Variants in MORC2 observed in about 807,000 individuals in gnomAD.
MORC2 encodes MORC family CW-type zinc finger 2, also known as ATPase MORC2.
In MORC2, 30 loss-of-function variants were observed where a neutral mutation model predicts 136.0. That is an observed-to-expected ratio of 0.22 (90% CI 0.17 to 0.30). The LOEUF (loss-of-function observed/expected upper bound fraction) is 0.30, where lower values mean the gene tolerates loss of function less well. Ranked by LOEUF, MORC2 falls within the 10% of genes least tolerant of loss-of-function variation. The pLI is 1.00. For synonymous variants in MORC2, 439 were observed against 487.0 expected (o/e 0.90, Z 1.30); for missense variants, 922 against 1,333.1 (o/e 0.69, Z 4.80).
At chr22:30,966,233 T>C (rs1242837806) in intron 1 of MORC2, among the ~76,000 whole-genome samples, 1 of 152,180 alleles carries the variant, frequency 6.6e-6, no homozygotes. Context: ...TATCATAAAA[T>C]CTGTAATTCC....
chr22:30,940,681 C>G, intron 10 of MORC2, 77 bp downstream of exon 10: 1 of 1,339,526 alleles, frequency 7.5e-7, no homozygotes, highest in Non-Finnish European at 1.1e-6. Context: ...CAGCCTTTTC[C>G]TGGAACCCCA....
chr22:30,940,957 T>G (rs551499698), intron 9 of MORC2, 120 bp from the exon 10 acceptor site: 18 of 841,050 alleles, frequency 2.1e-5, no homozygotes, highest in Non-Finnish European at 3.0e-5. Context: ...TGGCCCCTCA[T>G]GATGAGACAA....
intron 3 of MORC2, among the ~76,000 whole-genome samples, chr22:30,954,443 C>T (rs2040936181): frequency 6.6e-6 from 1 of 152,166 alleles, no homozygotes; most frequent in African/African-American, 2.4e-5. Context: ...TTCTATCACA[C>T]CATTTAATCC....
chr22:30,939,415 C>G (rs2040707115), intron 12 of MORC2, among the ~76,000 whole-genome samples: 1 of 152,084 alleles, frequency 6.6e-6, no homozygotes, highest in South Asian at 2.1e-4. Flanking sequence ...GGTTTTGGTG[C>G]TCGAGCCGAG....
chr22:30,931,262 A>G (rs2040572294), intron 24 of MORC2, among the ~76,000 whole-genome samples: 1 of 152,258 alleles, frequency 6.6e-6, no homozygotes. Flanking sequence ...TGTTTTTGTA[A>G]ATAAAGCTTT....
In MORC2 at chr22:30,967,969, G is replaced by T; in HGVS notation, c.-80C>A. On this transcript the variant is annotated 5_prime_UTR_variant, in exon 1 of 26. Transcript: ENST00000397641. ...AATGATATCGATTTCCCAGGATTCT[G>T]TCCAGTAAAGCTTCAGTAAGTCTGT... 1 of 1,267,042 alleles carries T rather than the reference G, an allele frequency of 7.9e-7. No homozygotes were observed. The highest frequency in any genetic ancestry group is 1.8e-4 in the Middle Eastern group (1 of 5,454). The allele number at this position is 1,267,042 out of a possible 1,614,324, so 78.5% of individuals were successfully genotyped here. A position where few individuals can be genotyped will look rare whatever the true frequency, so the allele number is the denominator to read the frequency against.
At chr22:30,949,660 G>A (rs2040861801) in intron 5 of MORC2, 92 bp downstream of exon 5, 1 of 1,075,624 alleles carries the variant, frequency 9.3e-7, no homozygotes, top group Admixed American at 1.8e-5. Flanking sequence ...GTCAATAGAG[G>A]GACAAGGAGA....
Position 30,928,009 on chromosome 22 carries a change from C to A in MORC2, c.3030+10G>T, listed in dbSNP as rs775323885. On this transcript the variant is annotated intron_variant, in intron 25 of 25. Coordinates refer to ENST00000397641, the MANE Select transcript of MORC2 (RefSeq NM_001303256.3). ...TGGTCCAGCTGCAACAGGAAGGCTG[C>A]CGGGCTCACCTCCTGCACCTTTTGC... The A allele has an allele frequency of 5.6e-6, 9 of 1,612,412 alleles. No homozygotes were observed. Among genetic ancestry groups the A allele is most frequent in the Non-Finnish European group, 6.8e-6 (8 of 1,179,974 alleles).
At chr22:30,929,617 G>A (rs1236807662) in intron 24 of MORC2, among the ~76,000 whole-genome samples, 11 of 152,190 alleles carry the variant, frequency 7.2e-5, no homozygotes, top group African/African-American at 2.4e-4. Context: ...GCGTGGTGGC[G>A]GGTGCCTGTA....
intron 11 of MORC2, 45 bp from the exon 12 acceptor site, chr22:30,939,751 A>G: frequency 6.4e-7 from 1 of 1,568,154 alleles, no homozygotes. Flanking sequence ...ACTCTAGGCC[A>G]CAGCAGGGAA....
At chr22:30,939,855 C>A in intron 11 of MORC2, 104 bp downstream of exon 11, 1 of 1,384,114 alleles carries the variant, frequency 7.2e-7, no homozygotes, top group Non-Finnish European at 9.9e-7. Context: ...ACAGCCCTCA[C>A]TGGGGACAAA....
Position 30,937,445 on chromosome 22 carries a change from A to G in MORC2, c.1498+138T>C. On this transcript the variant is annotated intron_variant, in intron 15 of 25. Coordinates refer to ENST00000397641, the MANE Select transcript of MORC2 (RefSeq NM_001303256.3). This position sits in a 1 kb window ranked among gnomAD's most constrained non-coding sequence, Gnocchi z 4.7. ...GCCTCAAGACTGAGCTCACAGGGCC[A>G]TCGTCAAACAGACTTGGATCCCTAG... 5 of 1,322,268 alleles carry G rather than the reference A, an allele frequency of 3.8e-6. No individual in the cohort carries two copies. Among genetic ancestry groups the G allele is most frequent in the Non-Finnish European group, 5.2e-6 (5 of 968,012 alleles). 81.9% of individuals were successfully genotyped at this position (1,322,268 alleles called of 1,614,324 possible). A position where few individuals can be genotyped will look rare whatever the true frequency, so the allele number is the denominator to read the frequency against.
At chr22:30,955,873 G>A (rs941387398) in intron 3 of MORC2, among the ~76,000 whole-genome samples, 1 of 151,978 alleles carries the variant, frequency 6.6e-6, no homozygotes, top group African/African-American at 2.4e-5. Context: ...AGCCGGGTGT[G>A]GTGGTGGGCG....
chr22:30,963,802 T>C (rs1210566718), intron 1 of MORC2, among the ~76,000 whole-genome samples: 1 of 152,238 alleles, frequency 6.6e-6, no homozygotes, highest in African/African-American at 2.4e-5. Flanking sequence ...TCTCCCTATT[T>C]ACATTCATCC....
Position 30,925,883 on chromosome 22 carries a change from G to A in MORC2, c.*920C>T, listed in dbSNP as rs2040475635. On this transcript the variant is annotated 3_prime_UTR_variant, in exon 26 of 26. Coordinates refer to ENST00000397641, the MANE Select transcript of MORC2 (RefSeq NM_001303256.3). ...GGCCCCCTCTTCAGGCACCTTGATGGGGCTCAGTGGGGCCAGGCCGAAGGG... is the reference window on the plus strand; with the variant it reads ...GGCCCCCTCTTCAGGCACCTTGATGAGGCTCAGTGGGGCCAGGCCGAAGGG... The A allele has an allele frequency of 6.5e-6, 1 of 153,268 alleles. No homozygotes were observed. Among genetic ancestry groups the A allele is most frequent in the Non-Finnish European group, 1.5e-5 (1 of 68,050 alleles). The allele number at this position is 153,268 out of a possible 1,614,324, so 9.5% of individuals were successfully genotyped here. A position where few individuals can be genotyped will look rare whatever the true frequency, so the allele number is the denominator to read the frequency against.
chr22:30,951,198 T>A (rs1244294383), intron 3 of MORC2, among the ~76,000 whole-genome samples: 1 of 152,220 alleles, frequency 6.6e-6, no homozygotes, highest in Non-Finnish European at 1.5e-5. Context: ...TGGGGTTTCC[T>A]GGCCAACAGA....
At chr22:30,954,015 T>C (rs544066079) in intron 3 of MORC2, among the ~76,000 whole-genome samples, 5 of 152,164 alleles carry the variant, frequency 3.3e-5, no homozygotes, top group Admixed American at 1.3e-4. Flanking sequence ...AGTATTAAGA[T>C]TATTACTGGC....
rs1189178389 is a variant in MORC2 at position 30,934,705 on chromosome 22, C to T, written c.2193+76G>A. ...GTATCTTCCGAAGGCTCCCCCAGTACAGCTGTGACACTGCACAATTCCATT... is the reference window on the plus strand; with the variant it reads ...GTATCTTCCGAAGGCTCCCCCAGTATAGCTGTGACACTGCACAATTCCATT... On this transcript the variant is annotated intron_variant, in intron 19 of 25. Transcript: ENST00000397641. This position sits in a 1 kb window ranked among gnomAD's most constrained non-coding sequence, Gnocchi z 4.4. The T allele has an allele frequency of 1.9e-6, 3 of 1,548,706 alleles. No individual in the cohort carries two copies. The highest frequency in any genetic ancestry group is 1.4e-5 in the African/African-American group (1 of 73,640).
chr22:30,947,031 A>C (rs1176082465), intron 5 of MORC2, among the ~76,000 whole-genome samples: 2 of 152,232 alleles, frequency 1.3e-5, no homozygotes, highest in Admixed American at 1.3e-4. Flanking sequence ...AGAAAACATC[A>C]GTATGAACCC....
Sources: gnomAD v4.1 joint callset for allele counts (sites outside exome capture counted in the v4.1 genomes callset) on GRCh38, gnomAD v4.1.1 for gene constraint, Gnocchi (gnomAD v3.1) non-coding constraint, MANE v1.5 for transcripts, NCBI Gene and HGNC (gene_info 2026-07-23, HGNC 2026-07-21) for gene names.